The following ASTN2 variants were observed in gnomAD, a reference collection of about 807,000 sequenced individuals.
The protein encoded by ASTN2 is astrotactin-2.
A neutral mutation model predicts 139.8 loss-of-function variants in ASTN2; 54 were observed. The ratio of observed to expected loss-of-function variants is 0.39; its 90% CI spans 0.31 to 0.48. The LOEUF is 0.48. Ranked by LOEUF, ASTN2 falls within the 20% of genes least tolerant of loss-of-function variation. The probability of loss-of-function intolerance (pLI) is 0.95; values close to 1 mark genes in which losing one functional copy is unlikely to be tolerated. For synonymous variants in ASTN2, 756 were observed against 719.5 expected, an observed-to-expected ratio of 1.05 and a Z score of -0.81; for missense variants, 1,565 against 1,725.1, an observed-to-expected ratio of 0.91 and a Z score of 1.64.
At chr9:116,653,676 A>T (rs1296912224) in intron 16 of ASTN2, among the ~76,000 whole-genome samples, 1 of 152,232 alleles carries the variant, frequency 6.6e-6, no homozygotes, top group African/African-American at 2.4e-5. Flanking sequence ...GAGAAAAAGG[A>T]GAGTTGTCTC....
intron 10 of ASTN2, among the ~76,000 whole-genome samples, chr9:116,877,064 C>A (rs933989270): frequency 6.6e-6 from 1 of 152,278 alleles, no homozygotes; most frequent in African/African-American, 2.4e-5. Flanking sequence ...CCAAACCTAT[C>A]CCCTCCTTTT....
At chr9:116,602,683 C>A (rs1338203925) in intron 19 of ASTN2, among the ~76,000 whole-genome samples, 1 of 152,122 alleles carries the variant, frequency 6.6e-6, no homozygotes, top group Admixed American at 6.5e-5. Context: ...AATCCCAGCA[C>A]TTTGGGAGGC....
intron 5 of ASTN2, among the ~76,000 whole-genome samples, chr9:117,077,242 G>A (rs772490950): frequency 2.6e-5 from 4 of 152,144 alleles, no homozygotes; most frequent in Non-Finnish European, 5.9e-5. Flanking sequence ...ACAGAGAGGA[G>A]TTTTGGCGCG....
intron 16 of ASTN2, among the ~76,000 whole-genome samples, chr9:116,683,029 T>TAATAC (rs1554730414): frequency 1.3e-5 from 2 of 148,250 alleles, no homozygotes; most frequent in East Asian, 3.9e-4. Context: ...AGTATAATAA[T>TAATAC]AATAAAATAA....
intron 2 of ASTN2, among the ~76,000 whole-genome samples, chr9:117,225,933 T>C (rs992534503): frequency 4.6e-5 from 7 of 152,130 alleles, no homozygotes; most frequent in African/African-American, 1.4e-4. Flanking sequence ...TGCCTCGATT[T>C]AGAAATACAC....
intron 1 of ASTN2, among the ~76,000 whole-genome samples, chr9:117,404,020 C>T (rs1487376308): frequency 6.6e-6 from 1 of 152,114 alleles, no homozygotes; most frequent in Non-Finnish European, 1.5e-5. Context: ...CATACCTCCA[C>T]CTCCTTCCAA....
chr9:116,510,528 A>G (rs1468520764), intron 19 of ASTN2, among the ~76,000 whole-genome samples: 1 of 152,114 alleles, frequency 6.6e-6, no homozygotes, highest in Non-Finnish European at 1.5e-5. Context: ...GTTTTTTCCA[A>G]TTCTGTGAAG....
intron 1 of ASTN2, among the ~76,000 whole-genome samples, chr9:117,295,390 C>T (rs1466026727): frequency 1.3e-5 from 2 of 152,002 alleles, no homozygotes; most frequent in Non-Finnish European, 2.9e-5. Flanking sequence ...TTTACATTTC[C>T]TTGAACATGT....
At chr9:117,091,411 T>C (rs1828702436) in intron 5 of ASTN2, among the ~76,000 whole-genome samples, 1 of 152,068 alleles carries the variant, frequency 6.6e-6, no homozygotes, top group Non-Finnish European at 1.5e-5. Flanking sequence ...AGGACACAAA[T>C]AGTACTCAGG....
chr9:116,620,075 C>T (rs992788395), intron 18 of ASTN2, among the ~76,000 whole-genome samples: 1 of 152,056 alleles, frequency 6.6e-6, no homozygotes, highest in Non-Finnish European at 1.5e-5. Context: ...AAATGATGAA[C>T]TGAGTGGCAT....
chr9:116,598,705 T>C (rs1854713133), intron 19 of ASTN2, among the ~76,000 whole-genome samples: 1 of 152,206 alleles, frequency 6.6e-6, no homozygotes, highest in Non-Finnish European at 1.5e-5. Flanking sequence ...CTCTACTTTA[T>C]TCATTCAGTG....
At chr9:117,312,587 G>A (rs958698494) in intron 1 of ASTN2, among the ~76,000 whole-genome samples, 1 of 152,268 alleles carries the variant, frequency 6.6e-6, no homozygotes, top group Middle Eastern at 3.4e-3. Context: ...AAAATCAGAA[G>A]CAAAAGACAG....
chr9:117,381,316 G>T (rs993802037), intron 1 of ASTN2, among the ~76,000 whole-genome samples: 7 of 152,134 alleles, frequency 4.6e-5, no homozygotes, highest in African/African-American at 1.7e-4. Flanking sequence ...AGTGGCACAA[G>T]TGATATGGCT....
chr9:116,871,352 T>C lies in ASTN2; in HGVS notation c.1890-7619A>G, dbSNP rs181880642. On this transcript the variant is annotated intron_variant, in intron 10 of 22. Coordinates refer to ENST00000313400, the MANE Select transcript of ASTN2 (RefSeq NM_001365068.1). ...TTGTTGAGATATAATTCACATACCA[T>C]ATGATTTACCTATTTAAAGTGTACA... 6.5e-4 allele frequency among the ~76,000 whole-genome samples: 99 copies of C among 152,346 alleles called. 1 individual carries two copies. Among genetic ancestry groups the C allele is most frequent in the Admixed American group, 2.0e-3 (31 of 15,296 alleles).
chr9:117,040,083 G>GAAAA (rs1588502696), intron 5 of ASTN2, 118 bp from the exon 6 acceptor site: 1 of 1,219,332 alleles, frequency 8.2e-7, no homozygotes, highest in African/African-American at 1.5e-5. Context: ...GAAAAGAAAA[G>GAAAA]AAAAAAGACA....
intron 20 of ASTN2, among the ~76,000 whole-genome samples, chr9:116,460,743 T>C (rs1247300346): frequency 6.6e-6 from 1 of 152,134 alleles, no homozygotes; most frequent in African/African-American, 2.4e-5. Context: ...AGATGGTCTC[T>C]GCTGCTTGCA....
intron 2 of ASTN2, among the ~76,000 whole-genome samples, chr9:117,278,291 C>T (rs1834242671): frequency 6.6e-6 from 1 of 152,182 alleles, no homozygotes; most frequent in East Asian, 1.9e-4. Flanking sequence ...GCCACTATGA[C>T]CTTCATTGAA....
chr9:116,579,380 T>A (rs1853857015), intron 19 of ASTN2, among the ~76,000 whole-genome samples: 1 of 152,228 alleles, frequency 6.6e-6, no homozygotes, highest in African/African-American at 2.4e-5. Context: ...GCCTAGCTCA[T>A]ATCTTGCTTT....
intron 2 of ASTN2, among the ~76,000 whole-genome samples, chr9:117,262,686 G>T (rs1381172836): frequency 1.3e-5 from 2 of 152,124 alleles, no homozygotes; most frequent in African/African-American, 2.4e-5. Flanking sequence ...GAATATGATA[G>T]GTTACACGGT....
Sources: allele counts gnomAD v4.1 joint callset (sites outside exome capture counted in the v4.1 genomes callset), GRCh38; gene constraint gnomAD v4.1.1; transcripts MANE v1.5; gene names NCBI Gene and HGNC (gene_info 2026-07-23, HGNC 2026-07-21).